The following CSGALNACT1 variants were observed in gnomAD, a reference collection of about 807,000 sequenced individuals.
CSGALNACT1 encodes the protein chondroitin sulfate N-acetylgalactosaminyltransferase 1, also known as beta4GalNAcT-1.
Under a neutral mutation model 51.0 loss-of-function variants are expected in CSGALNACT1, and 52 were observed. That is an observed-to-expected ratio of 1.02 (90% CI 0.82 to 1.29). The LOEUF (loss-of-function observed/expected upper bound fraction) is 1.29. CSGALNACT1 is among the 50% of genes most tolerant of loss of function. The pLI is 0.00. For synonymous variants in CSGALNACT1, 341 were observed against 254.4 expected, an observed-to-expected ratio of 1.34 and a Z score of -3.24; for missense variants, 935 against 679.2, an observed-to-expected ratio of 1.38 and a Z score of -4.19.
intron 3 of CSGALNACT1, among the ~76,000 whole-genome samples, chr8:19,578,909 C>T (rs961361368): frequency 6.6e-6 from 1 of 152,176 alleles, no homozygotes; most frequent in African/African-American, 2.4e-5. Context: ...TTACATCATA[C>T]TTTCTCTTGG....
At chr8:19,577,287 G>C (rs1434077814) in intron 3 of CSGALNACT1, among the ~76,000 whole-genome samples, 2 of 151,960 alleles carry the variant, frequency 1.3e-5, no homozygotes, top group East Asian at 3.9e-4. Flanking sequence ...TAGTAGCCAG[G>C]CATAGTGGCT....
intron 3 of CSGALNACT1, among the ~76,000 whole-genome samples, chr8:19,542,221 A>G (rs1489150643): frequency 1.3e-5 from 2 of 151,802 alleles, no homozygotes; most frequent in African/African-American, 4.8e-5. Flanking sequence ...ACACACACAC[A>G]CACACACACA....
intron 1 of CSGALNACT1, among the ~76,000 whole-genome samples, chr8:19,623,364 C>A (rs1268873455): frequency 2.6e-5 from 4 of 152,208 alleles, no homozygotes; most frequent in Non-Finnish European, 5.9e-5. Flanking sequence ...GAAAAACAAT[C>A]TGTGAAGATA....
At chr8:19,561,864 A>G (rs928497221) in intron 3 of CSGALNACT1, among the ~76,000 whole-genome samples, 1 of 152,172 alleles carries the variant, frequency 6.6e-6, no homozygotes, top group African/African-American at 2.4e-5. Context: ...GTAAGAGGTA[A>G]GAGGAACACC....
At chr8:19,639,211 T>G (rs1280851304) in intron 1 of CSGALNACT1, among the ~76,000 whole-genome samples, 1 of 152,134 alleles carries the variant, frequency 6.6e-6, no homozygotes, top group Non-Finnish European at 1.5e-5. Flanking sequence ...CACAGAACAA[T>G]CAACAATAAC....
At chr8:19,539,190 G>T (rs1329118002) in intron 3 of CSGALNACT1, among the ~76,000 whole-genome samples, 1 of 151,862 alleles carries the variant, frequency 6.6e-6, no homozygotes, top group African/African-American at 2.4e-5. Context: ...TTGTGTGTGT[G>T]TGTGGTTAGG....
At chr8:19,527,343 G>A (rs1217133519) in intron 3 of CSGALNACT1, among the ~76,000 whole-genome samples, 4 of 152,296 alleles carry the variant, frequency 2.6e-5, no homozygotes, top group African/African-American at 9.6e-5. Context: ...GCTCACACCT[G>A]TAATCTCAGC....
intron 3 of CSGALNACT1, among the ~76,000 whole-genome samples, chr8:19,561,740 CA>C (rs761865347): frequency 6.6e-6 from 1 of 152,170 alleles, no homozygotes; most frequent in Non-Finnish European, 1.5e-5. Context: ...AGAACAAGCA[CA>C]AAGGGAATAT....
chr8:19,509,621 CAAAAAAAAA>C (rs755422032), intron 3 of CSGALNACT1, among the ~76,000 whole-genome samples: 658 of 56,988 alleles, frequency 0.012, 4 homozygotes, highest in African/African-American at 0.038. Flanking sequence ...GACTCTGTCT[CAAAAAAAAA>C]AAAAAAAAAA....
intron 1 of CSGALNACT1, among the ~76,000 whole-genome samples, chr8:19,652,350 G>A (rs1384176201): frequency 6.6e-6 from 1 of 152,182 alleles, no homozygotes; most frequent in Non-Finnish European, 1.5e-5. Context: ...AGGAGGGGGA[G>A]TTGATATAAC....
Position 19,698,443 on chromosome 8 carries a change from T to C in CSGALNACT1, c.-297+59407A>G, listed in dbSNP as rs527517350. ...TAAGCACATAGCACAAGCTACTATCTCATTAATACCCATAACAATTGTTTT... is the reference window on the plus strand; with the variant it reads ...TAAGCACATAGCACAAGCTACTATCCCATTAATACCCATAACAATTGTTTT... On this transcript the variant is annotated intron_variant, in intron 1 of 1. Coordinates refer to the CSGALNACT1 transcript ENST00000517494. Among the ~76,000 whole-genome samples, 3 of 152,322 alleles carry C rather than the reference T, an allele frequency of 2.0e-5. No homozygotes were observed. In the South Asian group the frequency reaches 6.2e-4, roughly 32 times the overall value.
intron 1 of CSGALNACT1, among the ~76,000 whole-genome samples, chr8:19,729,401 G>C (rs1297225835): frequency 1.3e-5 from 2 of 152,114 alleles, no homozygotes; most frequent in African/African-American, 2.4e-5. Context: ...TAGAATTTAA[G>C]ACCAATGGGT....
At chr8:19,511,733 A>C (rs2078503282) in intron 3 of CSGALNACT1, among the ~76,000 whole-genome samples, 1 of 152,144 alleles carries the variant, frequency 6.6e-6, no homozygotes, top group Non-Finnish European at 1.5e-5. Flanking sequence ...CACTGCTATG[A>C]AGAACTACCT....
At chr8:19,407,906 TGTG>T (rs1482077040) in intron 9 of CSGALNACT1, among the ~76,000 whole-genome samples, 2 of 45,650 alleles carry the variant, frequency 4.4e-5, no homozygotes, top group Admixed American at 2.6e-4. Flanking sequence ...GTATATGAAT[TGTG>T]TGTGTGTGTG....
At chr8:19,438,393 G>A (rs560473583) in intron 6 of CSGALNACT1, among the ~76,000 whole-genome samples, 2 of 152,330 alleles carry the variant, frequency 1.3e-5, no homozygotes, top group African/African-American at 4.8e-5. Context: ...TATCATTCAT[G>A]TTCTTCGTTT....
chr8:19,439,293 G>A (rs2060913074), intron 6 of CSGALNACT1, among the ~76,000 whole-genome samples: 1 of 152,242 alleles, frequency 6.6e-6, no homozygotes. Context: ...ACTCAACTGA[G>A]TAAGTTTGAT....
intron 4 of CSGALNACT1, among the ~76,000 whole-genome samples, chr8:19,496,425 T>C (rs1413466787): frequency 6.6e-6 from 1 of 152,144 alleles, no homozygotes; most frequent in Non-Finnish European, 1.5e-5. Flanking sequence ...TGCTTGATGG[T>C]TGGAACTAGG....
At chr8:19,635,746 G>T (rs969041245) in intron 1 of CSGALNACT1, among the ~76,000 whole-genome samples, 5 of 152,086 alleles carry the variant, frequency 3.3e-5, no homozygotes, top group South Asian at 2.1e-4. Flanking sequence ...TTTGTTTTTT[G>T]AGACGGAGTC....
At chr8:19,742,828 T>C (rs1259273341) in intron 1 of CSGALNACT1, among the ~76,000 whole-genome samples, 1 of 152,216 alleles carries the variant, frequency 6.6e-6, no homozygotes, top group Non-Finnish European at 1.5e-5. Context: ...ATCAGGGGCC[T>C]CCACTGTACT....
Sources: gnomAD v4.1 joint callset for allele counts (sites outside exome capture counted in the v4.1 genomes callset) on GRCh38, gnomAD v4.1.1 for gene constraint, MANE v1.5 for transcripts, NCBI Gene and HGNC (gene_info 2026-07-23, HGNC 2026-07-21) for gene names.